The following GPT2 variants were observed in gnomAD, a reference collection of about 807,000 sequenced individuals.
The protein encoded by GPT2 is alanine aminotransferase 2.
In GPT2, 30 loss-of-function variants were observed where a neutral mutation model predicts 56.9. That is an observed-to-expected ratio of 0.53 (90% CI 0.39 to 0.72). The LOEUF (loss-of-function observed/expected upper bound fraction) is 0.72. Among genes scored for constraint, GPT2 ranks in the 30% least tolerant of loss-of-function variants. The pLI, the probability that GPT2 is intolerant of heterozygous loss-of-function variation, is 0.00. For missense variants in GPT2, 542 were observed against 703.4 expected, an observed-to-expected ratio of 0.77 and a Z score of 2.60; for synonymous variants, 271 against 283.1, an observed-to-expected ratio of 0.96 and a Z score of 0.43.
rs1202477298 is a variant in GPT2 at position 46,930,278 on chromosome 16, G to A, written c.*1281G>A. 2 of 152,324 alleles carry A rather than the reference G, an allele frequency of 1.3e-5. No homozygotes were observed. Among genetic ancestry groups the A allele is most frequent in the African/African-American group, 2.4e-5 (1 of 41,468 alleles). The allele number at this position is 152,324 out of a possible 1,614,324, so 9.4% of individuals were successfully genotyped here. On this transcript the variant is annotated 3_prime_UTR_variant, in exon 12 of 12. Coordinates refer to ENST00000340124, the MANE Select transcript of GPT2 (RefSeq NM_133443.4). The stretch of plus-strand genomic sequence containing the variant: ...CCACACTCGAGGCTGCGGTGCTACG[G>A]GCTTAGCCCTCGCCTCCCTCACTGG...
At chr16:46,900,637 A>C (rs1567335780) in intron 3 of GPT2, 45 bp from the exon 4 acceptor site, 1 of 1,460,934 alleles carries the variant, frequency 6.8e-7, no homozygotes, top group Admixed American at 1.7e-5. Flanking sequence ...CTGGAGCTCT[A>C]GGAGTGGGGG....
At position 46,929,268 on chromosome 16, in the gene GPT2, T is replaced by G. The variant is rs1164419975; in HGVS notation, c.*271T>G. On this transcript the variant is annotated 3_prime_UTR_variant, in exon 12 of 12. Coordinates refer to ENST00000340124, the MANE Select transcript of GPT2 (RefSeq NM_133443.4). The stretch of plus-strand genomic sequence containing the variant: ...TCTCTGAATCTGTTATTGTTTTTGC[T>G]TCTGGAAAGTTCATTTGGGGTTTAC... 1 of 414,428 alleles carries G rather than the reference T, an allele frequency of 2.4e-6. No homozygotes were observed. The highest frequency in any genetic ancestry group is 4.5e-6 in the Non-Finnish European group (1 of 223,862). 25.7% of individuals were successfully genotyped at this position (414,428 alleles called of 1,614,324 possible). A position where few individuals can be genotyped will look rare whatever the true frequency, so the allele number is the denominator to read the frequency against.
intron 10 of GPT2, 38 bp downstream of exon 10, chr16:46,924,582 G>T: frequency 6.2e-7 from 1 of 1,606,820 alleles, no homozygotes; most frequent in Non-Finnish European, 8.5e-7. Flanking sequence ...CTCTTACCAG[G>T]TTCACCTGAG....
chr16:46,884,654 A>T, intron 1 of GPT2, 40 bp from the exon 2 acceptor site: 1 of 1,349,086 alleles, frequency 7.4e-7, no homozygotes. Flanking sequence ...ACGCCTGGGC[A>T]GTGCGCGACG....
intron 6 of GPT2, chr16:46,916,368 T>A (rs897501895): frequency 6.2e-5 from 19 of 304,814 alleles, no homozygotes; most frequent in South Asian, 8.6e-5. Context: ...AAAAAAAAAA[T>A]AAGAGAGCCA....
chr16:46,898,518 A>T (rs559729921), intron 3 of GPT2, among the ~76,000 whole-genome samples: 1 of 152,210 alleles, frequency 6.6e-6, no homozygotes, highest in East Asian at 1.9e-4. Flanking sequence ...AGAAGGACTG[A>T]GGCCTGTTTT....
At position 46,885,138 on chromosome 16, in the gene GPT2, G is replaced by T. The variant is rs1371584233; in HGVS notation, c.243+180G>T. Reference sequence around the variant, plus strand: ...CGTTCACTTACTGGTGCCCAGCACCGGGCACTCAGTGAGGCCTTGCAATAC... The same window carrying T: ...CGTTCACTTACTGGTGCCCAGCACCTGGCACTCAGTGAGGCCTTGCAATAC... On this transcript the variant is annotated intron_variant, in intron 2 of 11. Transcript: ENST00000340124. 45 of 1,343,860 alleles carry T rather than the reference G, an allele frequency of 3.3e-5. 1 individual carries two copies. The South Asian group carries it at 8.3e-4, about 25-fold the overall frequency. The allele number at this position is 1,343,860 out of a possible 1,614,324, so 83.2% of individuals were successfully genotyped here. A position where few individuals can be genotyped will look rare whatever the true frequency, so the allele number is the denominator to read the frequency against.
At chr16:46,885,307 C>T in intron 2 of GPT2, 3 of 956,810 alleles carry the variant, frequency 3.1e-6, no homozygotes, top group Non-Finnish European at 3.8e-6. Flanking sequence ...GCAATAGAGT[C>T]TCAGTGATAA....
chr16:46,908,651 A>T (rs1336275066), intron 5 of GPT2, among the ~76,000 whole-genome samples: 2 of 152,148 alleles, frequency 1.3e-5, no homozygotes, highest in Non-Finnish European at 2.9e-5. Context: ...ACCTGCCTAG[A>T]GTCAGTTCTT....
chr16:46,891,409 ATTT>A (rs914553256), intron 2 of GPT2, among the ~76,000 whole-genome samples: 1 of 140,922 alleles, frequency 7.1e-6, no homozygotes, highest in African/African-American at 2.6e-5. Flanking sequence ...CACCAGGCTA[ATTT>A]TTTTTTTTGA....
intron 6 of GPT2, among the ~76,000 whole-genome samples, chr16:46,911,310 C>T (rs1961043040): frequency 6.6e-6 from 1 of 152,200 alleles, no homozygotes; most frequent in East Asian, 1.9e-4. Flanking sequence ...CTCCTCTCTC[C>T]TCCTTTGTTG....
intron 2 of GPT2, among the ~76,000 whole-genome samples, chr16:46,896,914 G>A (rs1208798221): frequency 6.6e-6 from 1 of 152,168 alleles, no homozygotes; most frequent in African/African-American, 2.4e-5. Context: ...AATCAGTTAT[G>A]TGGCTGGGCA....
chr16:46,900,354 C>T (rs1960791950), intron 3 of GPT2, among the ~76,000 whole-genome samples: 1 of 152,124 alleles, frequency 6.6e-6, no homozygotes, highest in South Asian at 2.1e-4. Context: ...GCTCTGCAAA[C>T]CCCTGATTGT....
chr16:46,918,559 C>T (rs925455115), intron 7 of GPT2, 62 bp from the exon 8 acceptor site: 22 of 1,583,286 alleles, frequency 1.4e-5, no homozygotes, highest in Non-Finnish European at 1.8e-5. Context: ...CTTGCCTTGG[C>T]CACACTGGGC....
At chr16:46,898,987 TATATAACACAC>T (rs1243251907) in intron 3 of GPT2, among the ~76,000 whole-genome samples, 4 of 133,380 alleles carry the variant, frequency 3.0e-5, no homozygotes, top group African/African-American at 1.1e-4. Context: ...TATATATATA[TATATAACACAC>T]ATATATATAT....
rs35148330 is a variant in GPT2 at position 46,922,380 on chromosome 16, G to T, written c.1176G>T (p.Pro392=). Residue 392 remains proline, a synonymous_variant, in exon 9 of 12, where the codon CCG becomes CCT. Coordinates refer to ENST00000340124, the MANE Select transcript of GPT2 (RefSeq NM_133443.4). ...CCATGGACATTGTCGTGAACCCCCC[G>T]GTGGCAGGAGAGGAGTCCTTTGAGC... is the stretch of plus-strand genomic sequence containing the variant. ...QAAMDIVVNP[P]VAGEESFEQF... 349 of 1,613,568 alleles carry T rather than the reference G, an allele frequency of 2.2e-4. No individual in the cohort carries two copies. In the African/African-American group the frequency reaches 3.5e-3, roughly 16 times the overall value.
At chr16:46,922,783 C>G (rs1961319088) in intron 9 of GPT2, among the ~76,000 whole-genome samples, 1 of 152,168 alleles carries the variant, frequency 6.6e-6, no homozygotes, top group Non-Finnish European at 1.5e-5. Context: ...CCCCACCCGC[C>G]TCTGCCAACC....
chr16:46,886,077 C>T (rs1321263177), intron 2 of GPT2, among the ~76,000 whole-genome samples: 2 of 152,168 alleles, frequency 1.3e-5, no homozygotes, highest in Non-Finnish European at 2.9e-5. Flanking sequence ...TTGAGACACT[C>T]AGTTCTGCTG....
intron 6 of GPT2, 84 bp downstream of exon 6, chr16:46,910,011 T>C (rs917970041): frequency 4.3e-5 from 63 of 1,470,400 alleles, no homozygotes; most frequent in Non-Finnish European, 5.1e-5. Context: ...GTTAAATAAT[T>C]GGAGGGTCTC....
Sources: allele counts gnomAD v4.1 joint callset (sites outside exome capture counted in the v4.1 genomes callset), GRCh38; gene constraint gnomAD v4.1.1; transcripts MANE v1.5; gene names NCBI Gene and HGNC (gene_info 2026-07-23, HGNC 2026-07-21).